The following NEB variants were observed in gnomAD, a reference collection of about 807,000 sequenced individuals.
NEB encodes nemaline myopathy type 2.
In NEB, 512 loss-of-function variants were observed where a neutral mutation model predicts 952.2. The ratio of observed to expected loss-of-function variants is 0.54; its 90% confidence interval spans 0.50 to 0.58. The LOEUF is 0.58. Among genes scored for constraint, NEB ranks in the 20% least tolerant of loss-of-function variants. The pLI, the probability that NEB is intolerant of heterozygous loss-of-function variation, is 0.00. For synonymous variants in NEB, 2,900 were observed against 3,149.8 expected (o/e 0.92, Z 2.66); for missense variants, 8,428 against 9,231.1 (o/e 0.91, Z 3.56).
chr2:151,676,276 T>C (rs2099358493), intron 34 of NEB, among the ~76,000 whole-genome samples: 1 of 152,182 alleles, frequency 6.6e-6, no homozygotes, highest in African/African-American at 2.4e-5. Context: ...ATCTAAGCAA[T>C]GACAGATTCA....
chr2:151,608,926 A>AAAAAG lies in NEB; in HGVS notation c.12331-251_12331-250insCTTTT, dbSNP rs2097800720. 1.8e-5 allele frequency among the ~76,000 whole-genome samples: 2 copies of AAAAAG among 109,110 alleles called. 1 individual carries two copies. The highest frequency in any genetic ancestry group is 5.3e-5 in the African/African-American group (2 of 37,818). The allele number at this position is 109,110 out of a possible 152,430, so 71.6% of individuals were successfully genotyped here. On this transcript the variant is annotated intron_variant, in intron 81 of 181. Coordinates refer to ENST00000397345, the MANE Select transcript of NEB (RefSeq NM_001164508.2). ...CTCACAAAAAAAAAAAAAAAAAAAA[A>AAAAAG]AAAAAAAGTTAAATGTCAACATTTA... is the stretch of plus-strand genomic sequence containing the variant.
chr2:151,581,692 A>G, intron 102 of NEB, 105 bp from the exon 103 acceptor site: 2 of 1,348,114 alleles, frequency 1.5e-6, no homozygotes, highest in Non-Finnish European at 2.0e-6. Flanking sequence ...ATGGATGATG[A>G]AAAAAATTTT....
chr2:151,656,232 T>C lies in NEB; in HGVS notation c.6416A>G (p.His2139Arg), dbSNP rs1341298660. Residue 2139 changes from histidine to arginine, a missense_variant, in exon 49 of 182, where the codon CAC (histidine) becomes CGC (arginine). By Grantham distance (29) the His-to-Arg change is conservative (BLOSUM62 0). Coordinates refer to ENST00000397345, the MANE Select transcript of NEB (RefSeq NM_001164508.2). ...AAGGAGGATGTACTTGTGAATCAGGTGCTTGTAGTTAGTGTTGGTGATGTT... is the reference window on the plus strand; with the variant it reads ...AAGGAGGATGTACTTGTGAATCAGGCGCTTGTAGTTAGTGTTGGTGATGTT... ...QANITNTNYK[H>R]LIHKYILLPD... 6.2e-7 allele frequency: 1 copy of C among 1,613,274 alleles called. No homozygotes were observed. The highest frequency in any genetic ancestry group is 8.5e-7 in the Non-Finnish European group (1 of 1,179,510).
At chr2:151,711,298 T>A (rs1287961784) in intron 10 of NEB, among the ~76,000 whole-genome samples, 1 of 152,204 alleles carries the variant, frequency 6.6e-6, no homozygotes, top group Non-Finnish European at 1.5e-5. Flanking sequence ...ACCCCAAACC[T>A]GGGTCCATGA....
At chr2:151,658,277 T>C (rs2099108489) in intron 47 of NEB, among the ~76,000 whole-genome samples, 187 bp from the exon 48 acceptor site, 1 of 152,146 alleles carries the variant, frequency 6.6e-6, no homozygotes, top group Admixed American at 6.6e-5. Flanking sequence ...ATAACAAACT[T>C]AAACATATTT....
At chr2:151,631,409 AAATAGAATCAGT>A in intron 65 of NEB, 63 bp from the exon 66 acceptor site, 1 of 1,498,080 alleles carries the variant, frequency 6.7e-7, no homozygotes, top group Non-Finnish European at 9.1e-7. Context: ...GTAAATATGC[AAATAGAATCAGT>A]AATAAAGTGC....
At chr2:151,633,560 T>A in intron 65 of NEB, 94 bp downstream of exon 65, 3 of 1,455,560 alleles carry the variant, frequency 2.1e-6, no homozygotes, top group Non-Finnish European at 2.8e-6. Context: ...GACCAATCAA[T>A]CTTAACTTGA....
In NEB at chr2:151,679,727, C is replaced by G; in HGVS notation, c.3249G>C (p.Ala1083=). The change falls in exon 32 of 182, where the codon GCG becomes GCC. Residue 1083 remains alanine (A), a synonymous_variant. Coordinates refer to ENST00000397345, the MANE Select transcript of NEB (RefSeq NM_001164508.2). ...TGACCACAGCTGGACTTACGTCACT[C>G]GCCGCCTGCCTGGCAGCTTTGGCAG... The part of the protein sequence containing the change: ...IRAAKAARQA[A]SDVQYKKDYE... 1 of 1,378,634 alleles carries G rather than the reference C, an allele frequency of 7.3e-7. No individual in the cohort carries two copies. Among genetic ancestry groups the G allele is most frequent in the South Asian group, 1.1e-5 (1 of 88,154 alleles). The allele number at this position is 1,378,634 out of a possible 1,614,324, so 85.4% of individuals were successfully genotyped here. A position where few individuals can be genotyped will look rare whatever the true frequency, so the allele number is the denominator to read the frequency against.
At chr2:151,665,668 C>T (rs971984970) in intron 41 of NEB, 129 bp from the exon 42 acceptor site, 3 of 699,938 alleles carry the variant, frequency 4.3e-6, no homozygotes, top group African/African-American at 3.6e-5. Context: ...CTTTTTACTC[C>T]CTACAGTCTT....
At chr2:151,725,305 G>T in intron 6 of NEB, 148 bp downstream of exon 6, 1 of 704,046 alleles carries the variant, frequency 1.4e-6, no homozygotes, top group Non-Finnish European at 2.4e-6. Context: ...ACAGCAACAT[G>T]ATCTATGGTT....
At chr2:151,725,599 G>T in intron 5 of NEB, 39 bp from the exon 6 acceptor site, 1 of 1,557,446 alleles carries the variant, frequency 6.4e-7, no homozygotes, top group Non-Finnish European at 8.8e-7. Flanking sequence ...CAAGACAGCA[G>T]TGAAAATTTC....
chr2:151,720,630 T>C (rs1236104913), intron 9 of NEB, among the ~76,000 whole-genome samples: 1 of 152,188 alleles, frequency 6.6e-6, no homozygotes, highest in Non-Finnish European at 1.5e-5. Flanking sequence ...TAATCCTTCA[T>C]CTCTCCATTT....
chr2:151,640,203 G>C, intron 61 of NEB, 143 bp from the exon 62 acceptor site: 1 of 1,462,660 alleles, frequency 6.8e-7, no homozygotes, highest in South Asian at 1.3e-5. Flanking sequence ...TCTTTGGTCT[G>C]AAGGGTTAAA....
At position 151,643,988 on chromosome 2, in the gene NEB, A is replaced by G. The variant is rs1420633410; in HGVS notation, c.7786T>C (p.Trp2596Arg). 1 of 1,613,806 alleles carries G rather than the reference A, an allele frequency of 6.2e-7. No homozygotes were observed. Among genetic ancestry groups the G allele is most frequent in the African/African-American group, 1.3e-5 (1 of 74,898 alleles). The change falls in exon 57 of 182, where the codon TGG becomes CGG. Residue 2596 changes from tryptophan (W) to arginine (R), a missense_variant. Transcript: ENST00000397345. ...DREYKKDFEK[W>R]KTKFSSPVDM... ...ACTGGGCTGCTGAACTTGGTCTTCC[A>G]CTTCTCAAAGTCCTTCTTGTACTCC...
intron 24 of NEB, 65 bp downstream of exon 24, chr2:151,690,662 T>C: frequency 2.6e-6 from 3 of 1,156,720 alleles, no homozygotes; most frequent in Non-Finnish European, 3.8e-6. Context: ...AGCATGTAAA[T>C]GCTTACATTT....
At chr2:151,716,230 C>T in intron 10 of NEB, 1 of 359,880 alleles carries the variant, frequency 2.8e-6, no homozygotes, top group Non-Finnish European at 5.4e-6. Flanking sequence ...CCTCCGCTTC[C>T]CGGGATCAAG....
At chr2:151,698,493 T>C (rs768373687) in intron 13 of NEB, among the ~76,000 whole-genome samples, 2 of 152,136 alleles carry the variant, frequency 1.3e-5, no homozygotes, top group Non-Finnish European at 2.9e-5. Context: ...TTGTGCAACA[T>C]TGTAAATGTA....
Position 151,612,536 on chromosome 2 carries a change from T to C in NEB, c.11602-147A>G, listed in dbSNP as rs1167843724. On this transcript the variant is annotated intron_variant, in intron 77 of 181. Coordinates refer to ENST00000397345, the MANE Select transcript of NEB (RefSeq NM_001164508.2). ...GACCCACAGGATTGCTTTACTTTGG[T>C]TTAGAATGGCTAGTTAAATGCCTGG... The C allele has an allele frequency of 6.3e-6, 5 of 788,578 alleles. No homozygotes were observed. The East Asian group carries it at 1.3e-4, about 21-fold the overall frequency. The allele number at this position is 788,578 out of a possible 1,614,324, so 48.8% of individuals were successfully genotyped here.
At position 151,663,689 on chromosome 2, in the gene NEB, G is replaced by A. The variant is rs1211262994; in HGVS notation, c.5622C>T (p.Asp1874=). 2.5e-6 allele frequency: 4 copies of A among 1,613,698 alleles called. No homozygotes were observed. Residue 1874 remains aspartate (D), a synonymous_variant, in exon 45 of 182, where the codon GAC becomes GAT. Coordinates refer to ENST00000397345, the MANE Select transcript of NEB (RefSeq NM_001164508.2). ...TCTTGGCTGCCACCACACTGAGCAT[G>A]TCCACCGGGGTGTGGAAGGAGGTCT... ...KSKTSFHTPV[D]MLSVVAAKKS... is the part of the protein sequence containing the mutation.
Sources: allele counts gnomAD v4.1 joint callset (sites outside exome capture counted in the v4.1 genomes callset), GRCh38; gene constraint gnomAD v4.1.1; transcripts MANE v1.5; gene names NCBI Gene and HGNC (gene_info 2026-07-23, HGNC 2026-07-21).